Variants in ST8SIA6 observed in about 807,000 individuals in gnomAD.
ST8SIA6 encodes ST8 alpha-N-acetyl-neuraminide alpha-2,8-sialyltransferase 6.
A neutral mutation model predicts 33.6 loss-of-function variants in ST8SIA6; 39 were observed. The observed-to-expected ratio is 1.16, with a 90% CI of 0.90 to 1.52. ST8SIA6 has a LOEUF of 1.52. ST8SIA6 is among the 40% of genes most tolerant of loss of function. The probability of loss-of-function intolerance (pLI) is 0.00; values close to 1 mark genes in which losing one functional copy is unlikely to be tolerated. For synonymous variants in ST8SIA6, 172 were observed against 167.2 expected (o/e 1.03, Z -0.22); for missense variants, 441 against 443.8 (o/e 0.99, Z 0.06).
chr10:17,381,195 T>G (rs977566643), intron 3 of ST8SIA6, among the ~76,000 whole-genome samples: 1 of 152,154 alleles, frequency 6.6e-6, no homozygotes, highest in Admixed American at 6.5e-5. Context: ...ACCACCAGAC[T>G]TATTCTCTCT....
At chr10:17,340,788 T>C (rs536880351) in intron 4 of ST8SIA6, among the ~76,000 whole-genome samples, 2 of 152,226 alleles carry the variant, frequency 1.3e-5, no homozygotes, top group Non-Finnish European at 2.9e-5. Context: ...CTCAAGTTCG[T>C]ATTTGGAAGA....
chr10:17,346,825 T>A (rs2131603238), intron 4 of ST8SIA6, among the ~76,000 whole-genome samples: 2 of 152,340 alleles, frequency 1.3e-5, no homozygotes, highest in East Asian at 3.9e-4. Context: ...TATATCTGTA[T>A]TATCTATCTA....
At chr10:17,451,514 A>G (rs1852910192) in intron 2 of ST8SIA6, among the ~76,000 whole-genome samples, 1 of 152,230 alleles carries the variant, frequency 6.6e-6, no homozygotes, top group Admixed American at 6.5e-5. Flanking sequence ...TGCCGACTTC[A>G]CCACTAGGCA....
chr10:17,328,429 A>C (rs2131581691), intron 5 of ST8SIA6, among the ~76,000 whole-genome samples: 1 of 152,238 alleles, frequency 6.6e-6, no homozygotes. Flanking sequence ...CTGCAGACTG[A>C]AATCTAACTT....
intron 4 of ST8SIA6, among the ~76,000 whole-genome samples, chr10:17,342,879 A>T (rs566499160): frequency 2.2e-4 from 33 of 152,084 alleles, no homozygotes; most frequent in African/African-American, 7.2e-4. Flanking sequence ...AACCCAGGAG[A>T]CGGAGGCTGC....
At chr10:17,385,266 C>T (rs1213882859) in intron 3 of ST8SIA6, among the ~76,000 whole-genome samples, 1 of 152,128 alleles carries the variant, frequency 6.6e-6, no homozygotes, top group African/African-American at 2.4e-5. Context: ...TTGTGTCTCA[C>T]CTATTTGTGA....
chr10:17,405,085 C>G (rs931533332), intron 2 of ST8SIA6, among the ~76,000 whole-genome samples: 2 of 152,172 alleles, frequency 1.3e-5, no homozygotes, highest in South Asian at 2.1e-4. Context: ...TCTGTGGATT[C>G]TCCTTTGAAC....
At chr10:17,394,367 A>AAG (rs1283449157) in intron 2 of ST8SIA6, among the ~76,000 whole-genome samples, 1 of 151,812 alleles carries the variant, frequency 6.6e-6, no homozygotes, top group Non-Finnish European at 1.5e-5. Flanking sequence ...AAAAAAAAAA[A>AAG]AAAAATCCTT....
intron 3 of ST8SIA6, among the ~76,000 whole-genome samples, chr10:17,366,915 A>G (rs1043997039): frequency 1.3e-5 from 2 of 152,198 alleles, no homozygotes; most frequent in African/African-American, 4.8e-5. Context: ...AATGTAGTCC[A>G]AGGAAGTCAG....
chr10:17,449,627 C>A (rs1193991210), intron 2 of ST8SIA6, among the ~76,000 whole-genome samples: 1 of 152,178 alleles, frequency 6.6e-6, no homozygotes, highest in Admixed American at 6.5e-5. Flanking sequence ...AGCACATTAA[C>A]CATCTTACCT....
In ST8SIA6 at chr10:17,319,845, C is replaced by A. The variant is rs925266694; in HGVS notation, c.*1033G>T. The A allele has an allele frequency of 6.6e-6, 1 of 152,164 alleles. No individual in the cohort carries two copies. The highest frequency in any genetic ancestry group is 2.4e-5 in the African/African-American group (1 of 41,436). The allele number at this position is 152,164 out of a possible 1,614,324, so 9.4% of individuals were successfully genotyped here. A position where few individuals can be genotyped will look rare whatever the true frequency, so the allele number is the denominator to read the frequency against. ...GTTTCAGGCATCCACAGGGGGTCTT[C>A]CCATATCTGCAGATTAGGGGAGACT... On this transcript the variant is annotated 3_prime_UTR_variant, in exon 8 of 8. Transcript: ENST00000377602.
At chr10:17,377,839 C>T (rs10752081) in intron 3 of ST8SIA6, among the ~76,000 whole-genome samples, 25,719 of 152,110 alleles carry the variant, frequency 0.17, 2,527 homozygotes, top group East Asian at 0.51. Context: ...AACGAAATTA[C>T]TTTTTTATCG....
chr10:17,317,214 T>C lies in ST8SIA6; in HGVS notation c.*3664A>G, dbSNP rs1240137491. 2.0e-5 allele frequency among the ~76,000 whole-genome samples: 3 copies of C among 152,212 alleles called. No individual in the cohort carries two copies. The highest frequency in any genetic ancestry group is 4.4e-5 in the Non-Finnish European group (3 of 68,038). ...GCTAAAGAGTTTGCCCTGTCTCCATTACATAAGTAGCGCATCTTTATCATA... is the reference window on the plus strand; with the variant it reads ...GCTAAAGAGTTTGCCCTGTCTCCATCACATAAGTAGCGCATCTTTATCATA... On this transcript the variant is annotated 3_prime_UTR_variant, in exon 8 of 8. Transcript: ENST00000377602.
At chr10:17,392,092 T>C (rs1239279830) in intron 2 of ST8SIA6, among the ~76,000 whole-genome samples, 1 of 152,192 alleles carries the variant, frequency 6.6e-6, no homozygotes, top group Non-Finnish European at 1.5e-5. Context: ...CACAGGTTAT[T>C]TAGGACAGAG....
At chr10:17,333,694 T>TAG (rs1848384533) in intron 4 of ST8SIA6, among the ~76,000 whole-genome samples, 1 of 25,760 alleles carries the variant, frequency 3.9e-5, no homozygotes, top group African/African-American at 1.8e-4. Flanking sequence ...TATATATATA[T>TAG]ATATATATAT....
intron 3 of ST8SIA6, among the ~76,000 whole-genome samples, chr10:17,379,187 C>T (rs1293283346): frequency 1.3e-5 from 2 of 151,136 alleles, no homozygotes; most frequent in African/African-American, 4.9e-5. Context: ...AGCTAGGCAA[C>T]TTGTAGAGAA....
At chr10:17,440,059 G>T (rs1264162181) in intron 2 of ST8SIA6, among the ~76,000 whole-genome samples, 1 of 152,008 alleles carries the variant, frequency 6.6e-6, no homozygotes, top group Non-Finnish European at 1.5e-5. Flanking sequence ...ATTTGAATGG[G>T]GTATAACTAT....
At chr10:17,380,874 T>G (rs191172304) in intron 3 of ST8SIA6, among the ~76,000 whole-genome samples, 104 of 152,010 alleles carry the variant, frequency 6.8e-4, no homozygotes, top group African/African-American at 2.3e-3. Context: ...TGTTTGTATG[T>G]GTACACGTTT....
At chr10:17,414,509 T>C (rs1197884354) in intron 2 of ST8SIA6, among the ~76,000 whole-genome samples, 6 of 152,214 alleles carry the variant, frequency 3.9e-5, no homozygotes, top group Non-Finnish European at 1.5e-5. Context: ...TTAGTCAGCT[T>C]GGGCTGCCAT....
Sources: gnomAD v4.1 joint callset for allele counts (sites outside exome capture counted in the v4.1 genomes callset) on GRCh38, gnomAD v4.1.1 for gene constraint, MANE v1.5 for transcripts, NCBI Gene and HGNC (gene_info 2026-07-23, HGNC 2026-07-21) for gene names.